The following GLYATL1B variants were observed in gnomAD, a reference collection of about 807,000 sequenced individuals.
GLYATL1B encodes glycine-N-acyltransferase like 1B, also known as putative glycine N-acyltransferase-like protein 1B.
In GLYATL1B, 6 loss-of-function variants were observed where a neutral mutation model predicts 5.5. The observed-to-expected ratio is 1.09, with a 90% confidence interval of 0.60 to 2.15. The LOEUF is 2.15. Among genes scored for constraint, GLYATL1B ranks in the 30% most tolerant of loss-of-function variants. The pLI is 0.00. For missense variants in GLYATL1B, 135 were observed against 94.1 expected (o/e 1.43, Z -1.80); for synonymous variants, 67 against 34.9 (o/e 1.92, Z -3.24).
At chr11:59,088,676 T>C (rs1487684509) in intron 2 of GLYATL1B, among the ~76,000 whole-genome samples, 1 of 152,234 alleles carries the variant, frequency 6.6e-6, no homozygotes, top group African/African-American at 2.4e-5. Context: ...TAACTTCATA[T>C]ATGCATTGCT....
At chr11:59,091,676 A>G (rs1565176771) in intron 2 of GLYATL1B, among the ~76,000 whole-genome samples, 2 of 152,226 alleles carry the variant, frequency 1.3e-5, no homozygotes. Flanking sequence ...AACTTAAAAG[A>G]GAGTTGCCAT....
intron 2 of GLYATL1B, among the ~76,000 whole-genome samples, chr11:59,087,856 TA>T (rs971867658): frequency 6.6e-6 from 1 of 152,054 alleles, no homozygotes; most frequent in African/African-American, 2.4e-5. Context: ...ATGAAAACAA[TA>T]AAAGTTGCTT....
intron 2 of GLYATL1B, among the ~76,000 whole-genome samples, chr11:59,088,692 C>T (rs1266456873): frequency 6.6e-6 from 1 of 152,130 alleles, no homozygotes. Context: ...TTGCTTTGAA[C>T]AAGGCTAGTT....
chr11:59,087,099 C>G lies in GLYATL1B; in HGVS notation c.114C>G (p.Asn38Lys). ...YGSLFHINHG[N>K]PFNMEVLVDS... ...CTCTGTTTCACATCAATCACGGGAACCCCTTCAACATGGAAGTGTTGGTGG... is the reference window on the plus strand; with the variant it reads ...CTCTGTTTCACATCAATCACGGGAAGCCCTTCAACATGGAAGTGTTGGTGG... Residue 38 changes from asparagine (N) to lysine (K), a missense_variant, in exon 2 of 5, where the codon AAC (asparagine) becomes AAG (lysine). Coordinates refer to ENST00000527482, the MANE Select transcript of GLYATL1B (RefSeq NM_001355566.1). 1 of 685,632 alleles carries G rather than the reference C, an allele frequency of 1.5e-6. No homozygotes were observed. Among genetic ancestry groups the G allele is most frequent in the Non-Finnish European group, 2.7e-6 (1 of 373,300 alleles). The allele number at this position is 685,632 out of a possible 1,614,324, so 42.5% of individuals were successfully genotyped here. A position where few individuals can be genotyped will look rare whatever the true frequency, so the allele number is the denominator to read the frequency against.
At position 59,093,672 on chromosome 11, in the gene GLYATL1B, A is replaced by C; in HGVS notation, c.313+17A>C. 2.0e-6 allele frequency: 1 copy of C among 491,394 alleles called. No homozygotes were observed. The allele number at this position is 491,394 out of a possible 1,614,324, so 30.4% of individuals were successfully genotyped here. A position where few individuals can be genotyped will look rare whatever the true frequency, so the allele number is the denominator to read the frequency against. ...AAATCCAAGGTAACAAGTCTGAAGA[A>C]ATGGGCAAGCAGCTGTGCTTCTCAA... On this transcript the variant is annotated intron_variant, in intron 3 of 4. Transcript: ENST00000527482.
At chr11:59,092,137 A>T (rs1202694806) in intron 2 of GLYATL1B, among the ~76,000 whole-genome samples, 2 of 149,666 alleles carry the variant, frequency 1.3e-5, no homozygotes, top group Admixed American at 1.3e-4. Flanking sequence ...TTCTGTTTCC[A>T]TTCTCATGGC....
At chr11:59,089,724 G>A (rs1435243447) in intron 2 of GLYATL1B, among the ~76,000 whole-genome samples, 1 of 152,036 alleles carries the variant, frequency 6.6e-6, no homozygotes, top group African/African-American at 2.4e-5. Flanking sequence ...TTGGATATGA[G>A]GGATACTAAC....
intron 2 of GLYATL1B, among the ~76,000 whole-genome samples, chr11:59,090,647 C>T (rs1442839962): frequency 1.3e-5 from 2 of 151,746 alleles, no homozygotes; most frequent in Admixed American, 1.3e-4. Flanking sequence ...GCTTTAAAAT[C>T]TTCTTTGTTT....
At chr11:59,090,774 T>C (rs1390324996) in intron 2 of GLYATL1B, among the ~76,000 whole-genome samples, 1 of 152,074 alleles carries the variant, frequency 6.6e-6, no homozygotes, top group African/African-American at 2.4e-5. Context: ...TTTGTATGGG[T>C]TTTTACTTTC....
At chr11:59,092,640 T>C (rs1565177437) in intron 2 of GLYATL1B, among the ~76,000 whole-genome samples, 1 of 152,204 alleles carries the variant, frequency 6.6e-6, no homozygotes, top group Non-Finnish European at 1.5e-5. Flanking sequence ...TTGTTTATAT[T>C]TCCCCTGATA....
intron 1 of GLYATL1B, among the ~76,000 whole-genome samples, chr11:59,086,826 A>G (rs145918042): frequency 6.6e-6 from 1 of 152,208 alleles, no homozygotes; most frequent in Non-Finnish European, 1.5e-5. Context: ...TGCATTAACA[A>G]GTGCCCAGCT....
intron 2 of GLYATL1B, among the ~76,000 whole-genome samples, chr11:59,089,996 T>C (rs1423137238): frequency 3.3e-5 from 5 of 152,122 alleles, no homozygotes; most frequent in African/African-American, 1.2e-4. Context: ...ATTTGGAATA[T>C]ATTTTTGAAT....
At chr11:59,091,598 T>A (rs1232311135) in intron 2 of GLYATL1B, among the ~76,000 whole-genome samples, 1 of 152,212 alleles carries the variant, frequency 6.6e-6, no homozygotes, top group African/African-American at 2.4e-5. Context: ...GATATTTGAT[T>A]TTCTGTTACA....
At chr11:59,086,984 A>AT (rs1859205479) in intron 1 of GLYATL1B, 80 bp from the exon 2 acceptor site, 1 of 493,432 alleles carries the variant, frequency 2.0e-6, no homozygotes, top group Non-Finnish European at 3.6e-6. Flanking sequence ...CTTGATCTCC[A>AT]TTTTTCTCTT....
At chr11:59,089,756 T>C (rs942424779) in intron 2 of GLYATL1B, among the ~76,000 whole-genome samples, 2 of 152,204 alleles carry the variant, frequency 1.3e-5, no homozygotes, top group African/African-American at 4.8e-5. Flanking sequence ...GCTACAAATT[T>C]GTTGCCCAAT....
chr11:59,094,673 G>A lies in GLYATL1B; in HGVS notation c.796G>A (p.Val266Met). 2.3e-6 allele frequency: 1 copy of A among 433,634 alleles called. No homozygotes were observed. Among genetic ancestry groups the A allele is most frequent in the South Asian group, 9.1e-5 (1 of 10,966 alleles). 26.9% of individuals were successfully genotyped at this position (433,634 alleles called of 1,614,324 possible). Residue 266 changes from valine to methionine, a missense_variant, in exon 5 of 5, where the codon GTG (valine) becomes ATG (methionine). Val to Met is a conservative substitution (Grantham distance 21). Transcript: ENST00000527482. ...CQKNIPFYGS[V>M]LEENQGVIRK... ...GAAGAATATTCCATTTTACGGCTCT[G>A]TGCTGGAAGAAAATCAAGGCGTCAT...
chr11:59,091,777 C>T (rs1454754422), intron 2 of GLYATL1B, among the ~76,000 whole-genome samples: 5 of 152,152 alleles, frequency 3.3e-5, no homozygotes, highest in Admixed American at 6.5e-5. Flanking sequence ...TTCATTGCTG[C>T]ACTGTTCACA....
At chr11:59,086,469 G>A in intron 1 of GLYATL1B, 85 bp downstream of exon 1, 1 of 396,428 alleles carries the variant, frequency 2.5e-6, no homozygotes, top group Non-Finnish European at 4.5e-6. Context: ...CGTCCTTCCT[G>A]ACTTTGTGCA....
At chr11:59,087,371 G>C (rs559999373) in intron 2 of GLYATL1B, among the ~76,000 whole-genome samples, 200 bp downstream of exon 2, 4 of 151,980 alleles carry the variant, frequency 2.6e-5, no homozygotes, top group African/African-American at 9.7e-5. Flanking sequence ...TAGGGAAAGG[G>C]GGTCAAGGGG....
Sources: gnomAD v4.1 joint callset for allele counts (sites outside exome capture counted in the v4.1 genomes callset) on GRCh38, gnomAD v4.1.1 for gene constraint, MANE v1.5 for transcripts, NCBI Gene and HGNC (gene_info 2026-07-23, HGNC 2026-07-21) for gene names.